GRIK1: variants seen among roughly 807,000 people sequenced by gnomAD.
The protein encoded by GRIK1 is glutamate ionotropic receptor kainate type subunit 1.
In GRIK1, 69 loss-of-function variants were observed where a neutral mutation model predicts 105.7. The observed-to-expected ratio is 0.65, with a 90% CI of 0.54 to 0.80. The LOEUF is 0.80. GRIK1 is among the 30% of genes least tolerant of loss of function. The pLI, the probability that GRIK1 is intolerant of heterozygous loss-of-function variation, is 0.00. For synonymous variants in GRIK1, 438 were observed against 431.3 expected, an observed-to-expected ratio of 1.02 and a Z score of -0.19; for missense variants, 1,109 against 1,167.3, an observed-to-expected ratio of 0.95 and a Z score of 0.73.
chr21:29,794,545 G>A (rs1223826978), intron 1 of GRIK1, among the ~76,000 whole-genome samples: 1 of 152,168 alleles, frequency 6.6e-6, no homozygotes, highest in Non-Finnish European at 1.5e-5. Context: ...GTAAATGGAA[G>A]CAAAATGTAC....
intron 1 of GRIK1, among the ~76,000 whole-genome samples, chr21:29,782,086 C>CT (rs35928677): frequency 0.11 from 14,453 of 136,902 alleles, 1,110 homozygotes; most frequent in Non-Finnish European, 0.16. Context: ...ACTGCAACAC[C>CT]TTTTTTTTTT....
At chr21:29,801,472 A>G (rs942755933) in intron 1 of GRIK1, among the ~76,000 whole-genome samples, 2 of 151,898 alleles carry the variant, frequency 1.3e-5, no homozygotes, top group African/African-American at 4.8e-5. Context: ...GAAATGTGGA[A>G]AAAAGCCCCA....
intron 1 of GRIK1, among the ~76,000 whole-genome samples, chr21:29,851,412 A>T (rs1400412631): frequency 1.3e-5 from 2 of 152,238 alleles, no homozygotes; most frequent in African/African-American, 4.8e-5. Context: ...CAGATTGTTT[A>T]CAAAGGCAAT....
At chr21:29,595,346 T>G (rs2061392601) in intron 9 of GRIK1, among the ~76,000 whole-genome samples, 2 of 151,664 alleles carry the variant, frequency 1.3e-5, no homozygotes, top group Admixed American at 6.6e-5. Context: ...ATAGGTTTTT[T>G]TTTTTTTTTT....
At chr21:29,852,127 C>T (rs1482298290) in intron 1 of GRIK1, among the ~76,000 whole-genome samples, 1 of 152,152 alleles carries the variant, frequency 6.6e-6, no homozygotes, top group East Asian at 1.9e-4. Flanking sequence ...ATGTCAGCCT[C>T]AGCTCACATC....
intron 1 of GRIK1, among the ~76,000 whole-genome samples, chr21:29,902,836 C>T (rs908547285): frequency 6.6e-6 from 1 of 152,128 alleles, no homozygotes; most frequent in African/African-American, 2.4e-5. Context: ...CAATCCTGGG[C>T]AAGAAGAACA....
intron 9 of GRIK1, among the ~76,000 whole-genome samples, chr21:29,594,405 C>T (rs976198317): frequency 3.3e-5 from 5 of 152,152 alleles, no homozygotes; most frequent in African/African-American, 7.2e-5. Context: ...TACTGTTCTA[C>T]GAACTAGGAG....
intron 1 of GRIK1, among the ~76,000 whole-genome samples, chr21:29,700,493 C>T (rs1488772726): frequency 1.3e-5 from 2 of 152,162 alleles, no homozygotes; most frequent in Non-Finnish European, 2.9e-5. Flanking sequence ...GGCTTCCAAA[C>T]TTTCCCTTAA....
intron 14 of GRIK1, among the ~76,000 whole-genome samples, chr21:29,572,407 CCTCT>C (rs1568832662): frequency 6.6e-6 from 1 of 152,030 alleles, no homozygotes; most frequent in African/African-American, 2.4e-5. Context: ...TATCCATCCA[CCTCT>C]CTCCCTCCCT....
intron 1 of GRIK1, among the ~76,000 whole-genome samples, chr21:29,868,951 A>G (rs1217098314): frequency 6.6e-6 from 1 of 152,226 alleles, no homozygotes. Context: ...TGGTAAGTCC[A>G]TAAAATCAAA....
Position 29,697,210 on chromosome 21 carries a change from G to C in GRIK1, c.119-3147C>G, listed in dbSNP as rs548294464. 1.1e-4 allele frequency among the ~76,000 whole-genome samples: 17 copies of C among 152,228 alleles called. No individual in the cohort carries two copies. The South Asian group carries it at 3.5e-3, about 32-fold the overall frequency. ...TTCCCTTGGAGAATTGCTCTATAAA[G>C]CAAATGAGAAAATGTAATCAAAGTG... On this transcript the variant is annotated intron_variant, in intron 1 of 17. Transcript: ENST00000327783.
intron 1 of GRIK1, among the ~76,000 whole-genome samples, chr21:29,785,253 T>C (rs910254315): frequency 1.3e-5 from 2 of 152,150 alleles, no homozygotes; most frequent in African/African-American, 4.8e-5. Flanking sequence ...CTTTGAGGAT[T>C]TATTTTGACT....
At chr21:29,638,867 A>G (rs896030483) in intron 7 of GRIK1, among the ~76,000 whole-genome samples, 7 of 152,220 alleles carry the variant, frequency 4.6e-5, no homozygotes, top group African/African-American at 1.7e-4. Context: ...TTGCTAGGCT[A>G]TACATATAAA....
intron 15 of GRIK1, among the ~76,000 whole-genome samples, chr21:29,560,574 T>TTCTCTCTCTCTCTC (rs757906994): frequency 8.1e-6 from 1 of 124,180 alleles, no homozygotes; most frequent in African/African-American, 4.0e-5. Flanking sequence ...CTTTCTTTCT[T>TTCTCTCTCTCTCTC]TCTCTCTTTC....
At chr21:29,827,627 T>C (rs377024087) in intron 1 of GRIK1, among the ~76,000 whole-genome samples, 17 of 152,016 alleles carry the variant, frequency 1.1e-4, no homozygotes, top group African/African-American at 4.1e-4. Flanking sequence ...AAAAAGACTT[T>C]AATGGATCTA....
At chr21:29,835,245 C>T (rs1331944023) in intron 1 of GRIK1, among the ~76,000 whole-genome samples, 1 of 152,162 alleles carries the variant, frequency 6.6e-6, no homozygotes, top group Non-Finnish European at 1.5e-5. Flanking sequence ...CCTGCAGCAC[C>T]CAGCAGCATC....
intron 1 of GRIK1, among the ~76,000 whole-genome samples, chr21:29,880,202 A>T (rs2069353893): frequency 6.6e-6 from 1 of 152,146 alleles, no homozygotes; most frequent in Non-Finnish European, 1.5e-5. Flanking sequence ...TACCATTTAT[A>T]TCCCTTAAGT....
At chr21:29,832,560 C>G (rs1018701970) in intron 1 of GRIK1, among the ~76,000 whole-genome samples, 1 of 152,178 alleles carries the variant, frequency 6.6e-6, no homozygotes, top group Middle Eastern at 3.2e-3. Flanking sequence ...GCCATCAAAT[C>G]TTATGGGTTG....
chr21:29,594,820 C>A (rs566998835), intron 9 of GRIK1, among the ~76,000 whole-genome samples: 1 of 152,048 alleles, frequency 6.6e-6, no homozygotes, highest in Non-Finnish European at 1.5e-5. Flanking sequence ...TCCTGTATTA[C>A]GAACCTTATA....
Sources: allele counts gnomAD v4.1 joint callset (sites outside exome capture counted in the v4.1 genomes callset), GRCh38; gene constraint gnomAD v4.1.1; transcripts MANE v1.5; gene names NCBI Gene and HGNC (gene_info 2026-07-23, HGNC 2026-07-21).